Variants in LMBRD1 observed in about 807,000 individuals in gnomAD.
The protein encoded by LMBRD1 is LMBR1 domain containing 1.
LMBRD1 carries 64 observed loss-of-function variants against 74.8 expected under a neutral mutation model. That is an observed-to-expected ratio of 0.86 (90% CI 0.70 to 1.05). The LOEUF (loss-of-function observed/expected upper bound fraction) is 1.05. LMBRD1 is among the 50% of genes least tolerant of loss of function. LMBRD1 has a pLI of 0.00. For synonymous variants in LMBRD1, 204 were observed against 216.3 expected (o/e 0.94, Z 0.50); for missense variants, 652 against 645.9 (o/e 1.01, Z -0.10).
chr6:69,762,249 T>C (rs1005953072), intron 3 of LMBRD1, among the ~76,000 whole-genome samples: 2 of 152,190 alleles, frequency 1.3e-5, no homozygotes, highest in African/African-American at 4.8e-5. Context: ...AGATATTGCA[T>C]TCATTCCTGT....
At chr6:69,777,779 T>C (rs77125964) in intron 3 of LMBRD1, among the ~76,000 whole-genome samples, 2,997 of 152,082 alleles carry the variant, frequency 0.02, 86 homozygotes, top group African/African-American at 0.068. Context: ...ATCATGAAAA[T>C]ATGTTGATAT....
intron 14 of LMBRD1, among the ~76,000 whole-genome samples, chr6:69,697,235 T>C (rs1171377691): frequency 1.3e-5 from 2 of 152,054 alleles, no homozygotes; most frequent in Non-Finnish European, 2.9e-5. Context: ...CTTTTGGTCT[T>C]GGTACTAAGA....
intron 14 of LMBRD1, among the ~76,000 whole-genome samples, chr6:69,681,064 T>G (rs998572300): frequency 3.7e-4 from 57 of 152,182 alleles, no homozygotes; most frequent in African/African-American, 9.9e-4. Flanking sequence ...CTGACTGTTG[T>G]TCCTCAAAAG....
chr6:69,780,187 T>C (rs1437289681), intron 3 of LMBRD1, among the ~76,000 whole-genome samples: 1 of 147,966 alleles, frequency 6.8e-6, no homozygotes, highest in Non-Finnish European at 1.5e-5. Context: ...TCCTGAGCCC[T>C]ATGCAAATCA....
At chr6:69,699,669 T>C (rs936475382) in intron 12 of LMBRD1, among the ~76,000 whole-genome samples, 3 of 151,840 alleles carry the variant, frequency 2.0e-5, no homozygotes, top group African/African-American at 7.2e-5. Context: ...CATTTATCTA[T>C]ACTAAAGGGA....
intron 3 of LMBRD1, among the ~76,000 whole-genome samples, chr6:69,767,819 A>G (rs566541803): frequency 2.0e-5 from 3 of 152,056 alleles, no homozygotes; most frequent in Non-Finnish European, 2.9e-5. Flanking sequence ...TGCAACTAAT[A>G]TTGGTGAATT....
chr6:69,793,158 T>C (rs1341457222), intron 1 of LMBRD1, among the ~76,000 whole-genome samples: 1 of 152,218 alleles, frequency 6.6e-6, no homozygotes, highest in Admixed American at 6.5e-5. Flanking sequence ...GAAACAAATA[T>C]ATAACTCTGT....
chr6:69,693,578 C>T (rs1765933821), intron 14 of LMBRD1, among the ~76,000 whole-genome samples: 1 of 151,910 alleles, frequency 6.6e-6, no homozygotes, highest in East Asian at 1.9e-4. Context: ...AAATCATTCT[C>T]TAAAATTCTG....
chr6:69,782,990 A>G (rs916942015), intron 2 of LMBRD1, among the ~76,000 whole-genome samples: 3 of 152,236 alleles, frequency 2.0e-5, no homozygotes, highest in Non-Finnish European at 4.4e-5. Context: ...CTGTACATGC[A>G]TAACATAGAA....
At chr6:69,700,146 C>CT (rs1443440818) in intron 12 of LMBRD1, among the ~76,000 whole-genome samples, 4 of 151,772 alleles carry the variant, frequency 2.6e-5, no homozygotes, top group Non-Finnish European at 5.9e-5. Context: ...ATACTAGATT[C>CT]TTTTTTTCCA....
At chr6:69,770,765 A>G (rs1765560565) in intron 3 of LMBRD1, among the ~76,000 whole-genome samples, 1 of 152,224 alleles carries the variant, frequency 6.6e-6, no homozygotes, top group Non-Finnish European at 1.5e-5. Context: ...GCAGGAGGAT[A>G]CAAACAATAA....
chr6:69,735,498 G>GT (rs1306821386), intron 7 of LMBRD1, among the ~76,000 whole-genome samples: 1 of 150,990 alleles, frequency 6.6e-6, no homozygotes, highest in African/African-American at 2.4e-5. Context: ...GAAAAGTGAA[G>GT]TTCTTTTAAG....
At chr6:69,772,195 T>C (rs1002467477) in intron 3 of LMBRD1, among the ~76,000 whole-genome samples, 1 of 152,154 alleles carries the variant, frequency 6.6e-6, no homozygotes, top group African/African-American at 2.4e-5. Flanking sequence ...AAACTGGGAA[T>C]TGGGCATATA....
chr6:69,706,186 G>C, intron 9 of LMBRD1: 1 of 460,316 alleles, frequency 2.2e-6, no homozygotes, highest in Non-Finnish European at 4.1e-6. Context: ...ACTTAGGTGG[G>C]AGAGAAGGCA....
Position 69,776,605 on chromosome 6 carries a change from T to C in LMBRD1, c.307+3889A>G, listed in dbSNP as rs1765710895. The stretch of plus-strand genomic sequence containing the variant: ...TGAAAACACACATGGAACCCGAACA[T>C]AAAAGACAATTAAAGCATAAGTAGG... On this transcript the variant is annotated intron_variant, in intron 3 of 15. Transcript: ENST00000649934. 2.0e-5 allele frequency among the ~76,000 whole-genome samples: 3 copies of C among 152,282 alleles called. No homozygotes were observed. The South Asian group carries it at 6.2e-4, about 32-fold the overall frequency.
At chr6:69,692,596 T>C (rs561069273) in intron 14 of LMBRD1, among the ~76,000 whole-genome samples, 3 of 152,288 alleles carry the variant, frequency 2.0e-5, no homozygotes, top group South Asian at 2.1e-4. Flanking sequence ...AATATATTTA[T>C]GTCCTTATGC....
chr6:69,689,986 T>C (rs1014168527), intron 14 of LMBRD1, among the ~76,000 whole-genome samples: 14 of 152,030 alleles, frequency 9.2e-5, no homozygotes, highest in African/African-American at 3.1e-4. Flanking sequence ...AATCCACGGA[T>C]ACTCAAAGCC....
intron 9 of LMBRD1, among the ~76,000 whole-genome samples, chr6:69,712,943 T>A (rs1204918274): frequency 6.6e-6 from 1 of 152,106 alleles, no homozygotes; most frequent in Non-Finnish European, 1.5e-5. Flanking sequence ...TTACCCAGAA[T>A]GTGGTGATAG....
intron 9 of LMBRD1, among the ~76,000 whole-genome samples, chr6:69,704,074 C>T (rs1766195488): frequency 1.3e-5 from 2 of 152,128 alleles, no homozygotes; most frequent in South Asian, 4.1e-4. Flanking sequence ...TCAAGTGGCA[C>T]AGTCATGTCT....
Sources: gnomAD v4.1 joint callset for allele counts (sites outside exome capture counted in the v4.1 genomes callset) on GRCh38, gnomAD v4.1.1 for gene constraint, MANE v1.5 for transcripts, NCBI Gene and HGNC (gene_info 2026-07-23, HGNC 2026-07-21) for gene names.